Variants in CTNNA2 observed in about 807,000 individuals in gnomAD.
CTNNA2 encodes catenin alpha-2.
A neutral mutation model predicts 101.0 loss-of-function variants in CTNNA2; 42 were observed. The observed-to-expected ratio is 0.42, with a 90% confidence interval of 0.32 to 0.54. The LOEUF is 0.54. CTNNA2 is among the 20% of genes least tolerant of loss of function. The probability of loss-of-function intolerance (pLI) is 0.14; values close to 1 mark genes in which losing one functional copy is unlikely to be tolerated. For synonymous variants in CTNNA2, 450 were observed against 456.4 expected, an observed-to-expected ratio of 0.99 and a Z score of 0.18; for missense variants, 871 against 1,223.1, an observed-to-expected ratio of 0.71 and a Z score of 4.29.
intron 2 of CTNNA2, among the ~76,000 whole-genome samples, chr2:79,280,350 A>G (rs560922146): frequency 3.6e-4 from 55 of 152,106 alleles, no homozygotes; most frequent in Non-Finnish European, 7.2e-4. Flanking sequence ...GGAAGCTTCT[A>G]TACATGCCTG....
intron 2 of CTNNA2, among the ~76,000 whole-genome samples, chr2:79,661,080 A>G (rs1346609891): frequency 6.6e-6 from 1 of 152,210 alleles, no homozygotes; most frequent in Non-Finnish European, 1.5e-5. Flanking sequence ...TTTGGTGAAC[A>G]CACACCACCC....
chr2:79,657,976 C>A (rs1021027333), intron 2 of CTNNA2, among the ~76,000 whole-genome samples: 29 of 151,604 alleles, frequency 1.9e-4, no homozygotes, highest in African/African-American at 7.0e-4. Context: ...ATTTTTATAT[C>A]ATTACAAGTA....
At chr2:79,463,525 A>G in intron 4 of CTNNA2, among the ~76,000 whole-genome samples, 1 of 152,080 alleles carries the variant, frequency 6.6e-6, no homozygotes, top group Admixed American at 6.6e-5. Flanking sequence ...ATGGTGTTTA[A>G]CTTCTGCTGG....
At position 80,012,170 on chromosome 2, in the gene CTNNA2, C is replaced by T. The variant is rs193151817; in HGVS notation, c.1056+102373C>T. On this transcript the variant is annotated intron_variant, in intron 7 of 18. Coordinates refer to ENST00000402739, the MANE Select transcript of CTNNA2 (RefSeq NM_001282597.3). ...GTCCCAGGGCTCTCATTGCCTACGA[C>T]GGTGCCAAGCAGAGAGAAGATACTT... 1.1e-3 allele frequency among the ~76,000 whole-genome samples: 162 copies of T among 152,180 alleles called. 1 individual carries two copies. The highest frequency in any genetic ancestry group is 3.4e-3 in the Middle Eastern group (1 of 294).
intron 1 of CTNNA2, among the ~76,000 whole-genome samples, chr2:79,525,696 A>G (rs1049740164): frequency 2.6e-5 from 4 of 152,124 alleles, no homozygotes; most frequent in African/African-American, 7.2e-5. Flanking sequence ...GCTTTGTAGA[A>G]TATTGACTGT....
intron 4 of CTNNA2, among the ~76,000 whole-genome samples, chr2:79,868,533 G>A (rs907070934): frequency 3.3e-5 from 5 of 152,212 alleles, no homozygotes; most frequent in South Asian, 4.1e-4. Context: ...TTGTGATTGC[G>A]TCAAGCCTCA....
At chr2:79,845,673 A>G (rs1004098578) in intron 3 of CTNNA2, among the ~76,000 whole-genome samples, 7 of 152,212 alleles carry the variant, frequency 4.6e-5, no homozygotes, top group African/African-American at 7.2e-5. Flanking sequence ...GTGACAAGCT[A>G]TTGATCACAG....
At chr2:80,319,443 A>G (rs1477761681) in intron 7 of CTNNA2, among the ~76,000 whole-genome samples, 1 of 152,212 alleles carries the variant, frequency 6.6e-6, no homozygotes, top group Non-Finnish European at 1.5e-5. Context: ...GGCGAACAGT[A>G]TATTTCTTCT....
intron 4 of CTNNA2, among the ~76,000 whole-genome samples, chr2:79,438,840 G>A (rs1362013328): frequency 1.3e-5 from 2 of 152,162 alleles, no homozygotes; most frequent in Non-Finnish European, 2.9e-5. Flanking sequence ...TTAGTCTTTA[G>A]GGAAATGTAA....
At chr2:79,206,936 G>A (rs1674107378) in intron 2 of CTNNA2, among the ~76,000 whole-genome samples, 1 of 152,146 alleles carries the variant, frequency 6.6e-6, no homozygotes, top group Non-Finnish European at 1.5e-5. Flanking sequence ...TGTAAGCTGA[G>A]TTGTGTTTTC....
chr2:80,602,007 A>T (rs1053220955), intron 15 of CTNNA2: 1 of 152,038 alleles, frequency 6.6e-6, no homozygotes, highest in African/African-American at 2.4e-5. Flanking sequence ...TGTGCGTAGC[A>T]GTGTCATTTG....
chr2:79,277,434 A>G lies in CTNNA2; in HGVS notation c.-405-35275A>G, dbSNP rs115422887. ...GGGACAGAGTCCTACTATGATAATTATGGCAGGAGGTCAGGATGCAGCCTG... is the reference window on the plus strand; with the variant it reads ...GGGACAGAGTCCTACTATGATAATTGTGGCAGGAGGTCAGGATGCAGCCTG... On this transcript the variant is annotated intron_variant, in intron 2 of 21. Transcript: ENST00000466387. Among the ~76,000 whole-genome samples the G allele has an allele frequency of 2.0e-3, 306 of 152,098 alleles. 1 individual carries two copies. Among genetic ancestry groups the G allele is most frequent in the African/African-American group, 7.2e-3 (297 of 41,522 alleles).
At chr2:79,433,858 G>A (rs1198428720) in intron 4 of CTNNA2, among the ~76,000 whole-genome samples, 9 of 152,186 alleles carry the variant, frequency 5.9e-5, no homozygotes, top group East Asian at 1.9e-4. Context: ...TCAGAATTTC[G>A]CACAAGACTT....
chr2:79,325,055 G>A (rs764761687), intron 3 of CTNNA2, among the ~76,000 whole-genome samples: 5 of 152,064 alleles, frequency 3.3e-5, no homozygotes, highest in South Asian at 4.1e-4. Context: ...CTTCTGAAAC[G>A]CAAAGGATGG....
intron 15 of CTNNA2, among the ~76,000 whole-genome samples, chr2:80,597,879 A>ACC (rs2149758526): frequency 6.6e-6 from 1 of 152,312 alleles, no homozygotes; most frequent in African/African-American, 2.4e-5. Context: ...TGGGAGTGTA[A>ACC]ATTAGTTGAA....
chr2:79,420,810 C>T (rs1385135048), intron 4 of CTNNA2, among the ~76,000 whole-genome samples: 2 of 152,116 alleles, frequency 1.3e-5, no homozygotes, highest in Non-Finnish European at 2.9e-5. Context: ...GACCTCTCAT[C>T]TATAGACCAA....
intron 2 of CTNNA2, among the ~76,000 whole-genome samples, chr2:79,243,006 A>ACATACACG (rs1674651294): frequency 6.9e-6 from 1 of 145,338 alleles, no homozygotes; most frequent in Non-Finnish European, 1.5e-5. Flanking sequence ...ACACACACAC[A>ACATACACG]CACACACACA....
At chr2:79,324,356 T>C (rs956056742) in intron 3 of CTNNA2, among the ~76,000 whole-genome samples, 3 of 152,092 alleles carry the variant, frequency 2.0e-5, no homozygotes, top group Non-Finnish European at 4.4e-5. Flanking sequence ...GCATAAGTGC[T>C]GTCCTAGTTG....
At chr2:80,321,359 G>A (rs1452879737) in intron 7 of CTNNA2, among the ~76,000 whole-genome samples, 2 of 152,158 alleles carry the variant, frequency 1.3e-5, no homozygotes, top group African/African-American at 2.4e-5. Context: ...CTTGACTGGT[G>A]GTGAGGATGT....
Sources: allele counts gnomAD v4.1 joint callset (sites outside exome capture counted in the v4.1 genomes callset), GRCh38; gene constraint gnomAD v4.1.1; transcripts MANE v1.5; gene names NCBI Gene and HGNC (gene_info 2026-07-23, HGNC 2026-07-21).